Variants in PDE7B observed in about 807,000 individuals in gnomAD.
The protein encoded by PDE7B is 3',5'-cyclic-AMP phosphodiesterase 7B.
PDE7B carries 29 observed loss-of-function variants against 56.2 expected under a neutral mutation model. That is an observed-to-expected ratio of 0.52 (90% CI 0.38 to 0.70). PDE7B has a LOEUF of 0.70. Among genes scored for constraint, PDE7B ranks in the 30% least tolerant of loss-of-function variants. The probability of loss-of-function intolerance (pLI) is 0.00; values close to 1 mark genes in which losing one functional copy is unlikely to be tolerated. For missense variants in PDE7B, 490 were observed against 565.0 expected (o/e 0.87, Z 1.35); for synonymous variants, 197 against 196.9 (o/e 1.00, Z 0.00).
intron 1 of PDE7B, among the ~76,000 whole-genome samples, chr6:135,892,786 A>G (rs1308729122): frequency 2.0e-5 from 3 of 152,208 alleles, no homozygotes; most frequent in African/African-American, 7.2e-5. Flanking sequence ...AGGAATTACA[A>G]TAAGTTGAAT....
intron 2 of PDE7B, among the ~76,000 whole-genome samples, chr6:135,992,271 T>A (rs547332651): frequency 6.6e-6 from 1 of 152,234 alleles, no homozygotes; most frequent in East Asian, 1.9e-4. Context: ...CTAATAAGTA[T>A]TGGGCCACAT....
chr6:136,025,453 C>T (rs1225462829), intron 2 of PDE7B, among the ~76,000 whole-genome samples: 7 of 152,090 alleles, frequency 4.6e-5, no homozygotes, highest in African/African-American at 9.7e-5. Context: ...CAAATAAGTA[C>T]ATGGGCTTAT....
chr6:136,097,206 A>G (rs1777483674), intron 2 of PDE7B, among the ~76,000 whole-genome samples: 1 of 152,182 alleles, frequency 6.6e-6, no homozygotes, highest in Non-Finnish European at 1.5e-5. Flanking sequence ...TCTCCATCCC[A>G]GAAATTCCCC....
chr6:136,050,491 G>A (rs1364282247), intron 2 of PDE7B, among the ~76,000 whole-genome samples: 1 of 152,036 alleles, frequency 6.6e-6, no homozygotes, highest in Non-Finnish European at 1.5e-5. Flanking sequence ...GATAGATAGA[G>A]GTGGTAGCTG....
At chr6:136,175,917 A>G (rs901371941) in intron 9 of PDE7B, among the ~76,000 whole-genome samples, 8 of 152,132 alleles carry the variant, frequency 5.3e-5, no homozygotes, top group African/African-American at 1.9e-4. Flanking sequence ...GTACCAATGT[A>G]CCATCACCAA....
At chr6:136,104,089 G>A (rs1018706147) in intron 2 of PDE7B, among the ~76,000 whole-genome samples, 6 of 152,174 alleles carry the variant, frequency 3.9e-5, no homozygotes, top group South Asian at 2.1e-4. Flanking sequence ...AGGTCAGGTC[G>A]TGGCTCCTGG....
At chr6:136,053,137 C>A (rs1413872389) in intron 2 of PDE7B, among the ~76,000 whole-genome samples, 2 of 151,894 alleles carry the variant, frequency 1.3e-5, no homozygotes, top group African/African-American at 4.8e-5. Context: ...TATACATGTG[C>A]CACGTTGGTG....
chr6:135,926,353 C>T (rs371502431), intron 1 of PDE7B, among the ~76,000 whole-genome samples: 1 of 152,098 alleles, frequency 6.6e-6, no homozygotes, highest in South Asian at 2.1e-4. Flanking sequence ...TCCCAAAGTG[C>T]TGGGATTACA....
intron 2 of PDE7B, among the ~76,000 whole-genome samples, chr6:136,002,237 T>G (rs1775683239): frequency 2.0e-5 from 3 of 152,108 alleles, no homozygotes; most frequent in African/African-American, 7.2e-5. Context: ...TACCAGCCAC[T>G]GCAAAATCAA....
In PDE7B at chr6:136,147,426, C is replaced by T; in HGVS notation, c.242C>T (p.Ala81Val). The change falls in exon 4 of 13, where the codon GCA becomes GTA. Residue 81 changes from alanine to valine, a missense_variant. Physicochemically the swap from Ala to Val is moderately conservative, Grantham distance 64 (BLOSUM62 0). Coordinates refer to ENST00000308191, the MANE Select transcript of PDE7B (RefSeq NM_018945.4). ...TTAAGCTTTCAAAGATACTTCCATG[C>T]ATCAAGGCTGCTTCGTGGAATTATA... ...RLLSFQRYFH[A>V]SRLLRGIIPQ... The T allele has an allele frequency of 6.2e-7, 1 of 1,612,304 alleles. No homozygotes were observed. The highest frequency in any genetic ancestry group is 1.1e-5 in the South Asian group (1 of 91,026).
In PDE7B at chr6:135,947,500, A is replaced by T. The variant is rs746513058; in HGVS notation, c.58A>T (p.Asn20Tyr). Residue 20 changes from asparagine (N) to tyrosine (Y), a missense_variant, in exon 2 of 13, where the codon AAT becomes TAT. Coordinates refer to ENST00000308191, the MANE Select transcript of PDE7B (RefSeq NM_018945.4). ...GEILFENPDQ[N>Y]AKCVCMLGDI... Reference sequence around the variant, plus strand: ...AATCTTGTTTGAGAACCCCGATCAGAATGCCAAATGTGTTTGCATGCTGGG... The same window carrying T: ...AATCTTGTTTGAGAACCCCGATCAGTATGCCAAATGTGTTTGCATGCTGGG... 1 of 1,612,116 alleles carries T rather than the reference A, an allele frequency of 6.2e-7. No homozygotes were observed. Among genetic ancestry groups the T allele is most frequent in the South Asian group, 1.1e-5 (1 of 91,018 alleles).
chr6:136,054,766 G>A (rs1193613833), intron 2 of PDE7B, among the ~76,000 whole-genome samples: 1 of 152,070 alleles, frequency 6.6e-6, no homozygotes, highest in African/African-American at 2.4e-5. Context: ...GAAGAGGATG[G>A]ACTCACATTT....
chr6:136,081,014 T>C (rs1777198821), intron 2 of PDE7B, among the ~76,000 whole-genome samples: 1 of 152,158 alleles, frequency 6.6e-6, no homozygotes, highest in African/African-American at 2.4e-5. Flanking sequence ...CCCAGCATAA[T>C]GTTTGTGGAG....
intron 3 of PDE7B, among the ~76,000 whole-genome samples, chr6:136,141,601 T>A (rs1482221568): frequency 6.6e-6 from 1 of 152,182 alleles, no homozygotes; most frequent in African/African-American, 2.4e-5. Flanking sequence ...GGTCCTGGAC[T>A]TTTTTTGGTT....
intron 2 of PDE7B, among the ~76,000 whole-genome samples, chr6:136,101,418 A>G (rs544991770): frequency 1.3e-5 from 2 of 152,208 alleles, no homozygotes; most frequent in South Asian, 4.2e-4. Flanking sequence ...TTGGTAGGCT[A>G]TTCATTATTG....
chr6:135,916,322 G>A (rs1052248852), intron 1 of PDE7B, among the ~76,000 whole-genome samples: 1 of 146,980 alleles, frequency 6.8e-6, no homozygotes, highest in African/African-American at 2.5e-5. Flanking sequence ...TTGCCCATTT[G>A]TATTTATTCC....
chr6:135,958,512 A>C (rs924262506), intron 2 of PDE7B, among the ~76,000 whole-genome samples: 2 of 151,894 alleles, frequency 1.3e-5, no homozygotes, highest in Non-Finnish European at 2.9e-5. Flanking sequence ...GGTTTATGAG[A>C]TCTCAACCTG....
rs78756292 is a variant in PDE7B at position 136,171,431 on chromosome 6, C to T, written c.712-2366C>T. 3.0e-4 allele frequency among the ~76,000 whole-genome samples: 45 copies of T among 152,212 alleles called. 1 individual carries two copies. Among genetic ancestry groups the T allele is most frequent in the African/African-American group, 5.3e-4 (22 of 41,530 alleles). The stretch of plus-strand genomic sequence containing the variant: ...TATCAAATCAGAACCATAATGACTG[C>T]GACTCAGGAGTCTGAATGTGTCACC... On this transcript the variant is annotated intron_variant, in intron 8 of 12. Coordinates refer to ENST00000308191, the MANE Select transcript of PDE7B (RefSeq NM_018945.4).
chr6:136,046,754 C>A (rs745966168), intron 2 of PDE7B, among the ~76,000 whole-genome samples: 2 of 152,186 alleles, frequency 1.3e-5, no homozygotes, highest in African/African-American at 4.8e-5. Flanking sequence ...ATAGACCCAC[C>A]TCTTAATATA....
Sources: gnomAD v4.1 joint callset for allele counts (sites outside exome capture counted in the v4.1 genomes callset) on GRCh38, gnomAD v4.1.1 for gene constraint, MANE v1.5 for transcripts, NCBI Gene and HGNC (gene_info 2026-07-23, HGNC 2026-07-21) for gene names.